PALB2: variants seen among roughly 807,000 people sequenced by gnomAD.
PALB2 encodes mutant partner and localizer of BRCA2.
Under a neutral mutation model 107.4 loss-of-function variants are expected in PALB2, and 82 were observed. The observed-to-expected ratio is 0.76, with a 90% CI of 0.64 to 0.92. The LOEUF (loss-of-function observed/expected upper bound fraction) is 0.92, where lower values mean the gene tolerates loss of function less well. Ranked by LOEUF, PALB2 falls within the 40% of genes least tolerant of loss-of-function variation. PALB2 has a pLI of 0.00. For synonymous variants in PALB2, 489 were observed against 496.8 expected (o/e 0.98, Z 0.21); for missense variants, 1,374 against 1,379.9 (o/e 1.00, Z 0.07).
intron 10 of PALB2, among the ~76,000 whole-genome samples, chr16:23,616,927 C>T (rs534109387): frequency 1.3e-5 from 2 of 152,164 alleles, no homozygotes; most frequent in Admixed American, 1.3e-4. Context: ...ATTCTCCTGC[C>T]TCAGCCTCCC....
At chr16:23,637,109 G>T (rs756447922) in intron 3 of PALB2, among the ~76,000 whole-genome samples, 1 of 151,936 alleles carries the variant, frequency 6.6e-6, no homozygotes, top group Non-Finnish European at 1.5e-5. Context: ...TTAGCTGGGC[G>T]TGGCGGTGTG....
intron 12 of PALB2, chr16:23,607,440 C>T: frequency 8.3e-6 from 2 of 240,708 alleles, no homozygotes; most frequent in East Asian, 1.9e-4. Context: ...AGATGCATGC[C>T]AGCATGTTTG....
intron 6 of PALB2, among the ~76,000 whole-genome samples, chr16:23,628,790 C>T (rs1405541161): frequency 6.6e-6 from 1 of 152,044 alleles, no homozygotes; most frequent in East Asian, 1.9e-4. Context: ...CCCACCACCA[C>T]GCCCGGCTAA....
rs1966391012 is a variant in PALB2, at chr16:23,603,281, T to TTTCTC, written c.*177_*178insGAGAA. The TTTCTC allele has an allele frequency of 5.0e-6, 3 of 601,648 alleles. No individual in the cohort carries two copies. The highest frequency in any genetic ancestry group is 8.8e-6 in the Non-Finnish European group (3 of 342,810). 37.3% of individuals were successfully genotyped at this position (601,648 alleles called of 1,614,324 possible). A position where few individuals can be genotyped will look rare whatever the true frequency, so the allele number is the denominator to read the frequency against. On this transcript the variant is annotated 3_prime_UTR_variant, in exon 13 of 13. Coordinates refer to ENST00000261584, the MANE Select transcript of PALB2 (RefSeq NM_024675.4). ...AAAACCCTTTTTCTCAAAGTATACA[T>TTTCTC]AAATGTACATCCAAGATCAGTGGTG...
rs111948396 is a variant in PALB2 at position 23,611,082 on chromosome 16, A to G, written c.3201+2922T>C. Among the ~76,000 whole-genome samples, 139 of 65,528 alleles carry G rather than the reference A, an allele frequency of 2.1e-3. 1 individual carries two copies. Among genetic ancestry groups the G allele is most frequent in the Admixed American group, 9.6e-3 (58 of 6,038 alleles). The allele number at this position is 65,528 out of a possible 152,430, so 43.0% of individuals were successfully genotyped here. A position where few individuals can be genotyped will look rare whatever the true frequency, so the allele number is the denominator to read the frequency against. On this transcript the variant is annotated intron_variant, in intron 11 of 12. Coordinates refer to ENST00000261584, the MANE Select transcript of PALB2 (RefSeq NM_024675.4). ...TAGAGATGAATTCAACTGTCAGTCT[A>G]TCTATCTATCTATCTATCTATCTAT...
rs535728284 is a variant in PALB2, at chr16:23,614,938, C to A, written c.3114-847G>T. On this transcript the variant is annotated intron_variant, in intron 10 of 12. Coordinates refer to ENST00000261584, the MANE Select transcript of PALB2 (RefSeq NM_024675.4). ...GTGCTGGGATTACAGGCGTGAGCCA[C>A]CGCGCCTGGCCTTTTTTTTTTTTTT... is the stretch of plus-strand genomic sequence containing the variant. Among the ~76,000 whole-genome samples, 6 of 150,176 alleles carry A rather than the reference C, an allele frequency of 4.0e-5. No homozygotes were observed. The East Asian group carries it at 5.9e-4, about 15-fold the overall frequency.
At chr16:23,625,414 C>T (rs940005727) in intron 7 of PALB2, among the ~76,000 whole-genome samples, 2 of 152,108 alleles carry the variant, frequency 1.3e-5, no homozygotes, top group African/African-American at 4.8e-5. Context: ...CCTGTAATCC[C>T]CAGCACTCTG....
At chr16:23,616,884 C>T (rs1966693071) in intron 10 of PALB2, among the ~76,000 whole-genome samples, 1 of 151,750 alleles carries the variant, frequency 6.6e-6, no homozygotes, top group African/African-American at 2.4e-5. Context: ...GTGATCTCCG[C>T]TCACTGCAAG....
rs1567221745 is a variant in PALB2, at chr16:23,635,501, TTTG to T, written c.1042_1044del (p.Gln348del). 1.2e-6 allele frequency: 2 copies of T among 1,613,916 alleles called. No homozygotes were observed. Among genetic ancestry groups the T allele is most frequent in the African/African-American group, 2.7e-5 (2 of 74,904 alleles). On this transcript the variant is annotated inframe_deletion, in exon 4 of 13. Coordinates refer to ENST00000261584, the MANE Select transcript of PALB2 (RefSeq NM_024675.4). ...GATTTTAAAGATTTCTCTGTTTGAT[TTTG>T]TTCTTTTAAGTTTTGGTTTTCATTT...
Position 23,625,217 on chromosome 16 carries a change from C to T in PALB2, c.2748+1019G>A, listed in dbSNP as rs928022482. ...GCGTGGTGGTGGGCGCCTGTAGTCC[C>T]AGCTACTCGGGAGGCTGAGGCAGGA... is the stretch of plus-strand genomic sequence containing the variant. On this transcript the variant is annotated intron_variant, in intron 7 of 12. Coordinates refer to ENST00000261584, the MANE Select transcript of PALB2 (RefSeq NM_024675.4). Among the ~76,000 whole-genome samples, 8 of 152,100 alleles carry T rather than the reference C, an allele frequency of 5.3e-5. No homozygotes were observed. In the South Asian group the frequency reaches 1.7e-3, roughly 32 times the overall value.
At chr16:23,615,236 A>G (rs1042947874) in intron 10 of PALB2, among the ~76,000 whole-genome samples, 2 of 152,032 alleles carry the variant, frequency 1.3e-5, no homozygotes, top group Non-Finnish European at 2.9e-5. Flanking sequence ...GGCACGAGCC[A>G]CTGCACCTGA....
Position 23,629,646 on chromosome 16 carries a change from G to C in PALB2, c.2508C>G (p.Val836=), listed in dbSNP as rs786203603. 7 of 1,613,700 alleles carry C rather than the reference G, an allele frequency of 4.3e-6. No homozygotes were observed. Among genetic ancestry groups the C allele is most frequent in the Admixed American group, 3.3e-5 (2 of 59,986 alleles). The change falls in exon 5 of 13, where the codon GTC becomes GTG. Residue 836 remains valine, a synonymous_variant. Transcript: ENST00000261584. ...NTCQELHKHS[V]EQTETAELPA... is the part of the protein sequence containing the mutation. ...CAGAGGAAATGGATTGTACCTGTTC[G>C]ACGGAATGTTTATGCAGCTCCTGGC...
intron 12 of PALB2, 69 bp downstream of exon 12, chr16:23,607,795 C>A (rs1028901024): frequency 6.5e-7 from 1 of 1,532,336 alleles, no homozygotes. Flanking sequence ...ACAAAAATAT[C>A]TAGTTTTTGT....
chr16:23,625,193 C>T (rs1010780747), intron 7 of PALB2, among the ~76,000 whole-genome samples: 13 of 151,876 alleles, frequency 8.6e-5, no homozygotes, highest in Admixed American at 2.0e-4. Flanking sequence ...ATTAGCTGGG[C>T]GTGGTGGTGG....
intron 11 of PALB2, among the ~76,000 whole-genome samples, chr16:23,611,786 C>A (rs1348267280): frequency 6.6e-6 from 1 of 152,082 alleles, no homozygotes; most frequent in Admixed American, 6.6e-5. Flanking sequence ...CAGGGTCTCA[C>A]TCTATCGCCC....
At chr16:23,608,128 A>G in intron 11 of PALB2, 116 bp from the exon 12 acceptor site, 1 of 1,140,186 alleles carries the variant, frequency 8.8e-7, no homozygotes, top group South Asian at 1.3e-5. Context: ...TAGGCTCTGA[A>G]GTATCCAGGA....
In PALB2 at chr16:23,614,079, A is replaced by G. The variant is rs566549034; in HGVS notation, c.3126T>C (p.Thr1042=). Residue 1042 remains threonine, a synonymous_variant, in exon 11 of 13, where the codon ACT becomes ACC. Transcript: ENST00000261584. ...TGTGCATCTTTTTCAGGAGTTGACCAGTTTTTAAATTCCTTAGATAACAAA... is the reference window on the plus strand; with the variant it reads ...TGTGCATCTTTTTCAGGAGTTGACCGGTTTTTAAATTCCTTAGATAACAAA... ...MNNIVIWNLK[T]GQLLKKMHID... The G allele has an allele frequency of 6.2e-7, 1 of 1,611,038 alleles. No homozygotes were observed. Among genetic ancestry groups the G allele is most frequent in the Non-Finnish European group, 8.5e-7 (1 of 1,177,428 alleles).
intron 8 of PALB2, 139 bp downstream of exon 8, chr16:23,623,870 T>G (rs1966820165): frequency 5.8e-6 from 4 of 685,864 alleles, no homozygotes; most frequent in Middle Eastern, 2.4e-4. Context: ...TTCTATTGAT[T>G]TTTTTTTAAA....
Position 23,606,821 on chromosome 16 carries a change from C to CTTTTTTTTTT in PALB2, c.3350+1033_3350+1042dup, listed in dbSNP as rs545664784. Among the ~76,000 whole-genome samples the CTTTTTTTTTT allele has an allele frequency of 6.1e-4, 66 of 108,534 alleles. 4 individuals are homozygous for CTTTTTTTTTT. Among genetic ancestry groups the CTTTTTTTTTT allele is most frequent in the African/African-American group, 1.3e-3 (33 of 25,568 alleles). The allele number at this position is 108,534 out of a possible 152,430, so 71.2% of individuals were successfully genotyped here. A position where few individuals can be genotyped will look rare whatever the true frequency, so the allele number is the denominator to read the frequency against. On this transcript the variant is annotated intron_variant, in intron 12 of 12. Transcript: ENST00000261584. ...TACAGGCGTGAGCCACTGCACCCTG[C>CTTTTTTTTTT]TTTTTTTTTTTTTTTTTTGAGACGG... is the stretch of plus-strand genomic sequence containing the variant.
Sources: gnomAD v4.1 joint callset for allele counts (sites outside exome capture counted in the v4.1 genomes callset) on GRCh38, gnomAD v4.1.1 for gene constraint, MANE v1.5 for transcripts, NCBI Gene and HGNC (gene_info 2026-07-23, HGNC 2026-07-21) for gene names.